The following CEP192 variants were observed in gnomAD, a reference collection of about 807,000 sequenced individuals.
The protein encoded by CEP192 is centrosomal protein of 192 kDa.
A neutral mutation model predicts 271.8 loss-of-function variants in CEP192; 151 were observed. The ratio of observed to expected loss-of-function variants is 0.56; its 90% CI spans 0.49 to 0.64. The LOEUF is 0.64. Ranked by LOEUF, CEP192 falls within the 30% of genes least tolerant of loss-of-function variation. The probability of loss-of-function intolerance (pLI) is 0.00; values close to 1 mark genes in which losing one functional copy is unlikely to be tolerated. For missense variants in CEP192, 2,910 were observed against 3,020.5 expected, an observed-to-expected ratio of 0.96 and a Z score of 0.86; for synonymous variants, 995 against 1,076.5, an observed-to-expected ratio of 0.92 and a Z score of 1.48.
chr18:13,104,427 A>G (rs2039858728), intron 39 of CEP192, among the ~76,000 whole-genome samples: 1 of 152,156 alleles, frequency 6.6e-6, no homozygotes. Context: ...TGATAGTAAC[A>G]GTTTTGAGCC....
intron 1 of CEP192, among the ~76,000 whole-genome samples, chr18:12,998,109 T>G (rs1055768941): frequency 2.6e-5 from 4 of 152,240 alleles, no homozygotes; most frequent in Non-Finnish European, 5.9e-5. Context: ...ATCTATGCTT[T>G]AATCCAATTT....
At chr18:13,101,133 G>A (rs1467876378) in intron 38 of CEP192, among the ~76,000 whole-genome samples, 1 of 152,280 alleles carries the variant, frequency 6.6e-6, no homozygotes. Context: ...GATTCTGGGC[G>A]GCGGCAGCCC....
Position 13,095,429 on chromosome 18 carries a change from T to A in CEP192, c.6255-74T>A. On this transcript the variant is annotated intron_variant, in intron 34 of 44. Coordinates refer to ENST00000506447, the MANE Select transcript of CEP192 (RefSeq NM_032142.4). ...GAATATAAAAATATGTGATACAATCTGGCCTTTTATCATTTTTAACTTCTC... is the reference window on the plus strand; with the variant it reads ...GAATATAAAAATATGTGATACAATCAGGCCTTTTATCATTTTTAACTTCTC... The A allele has an allele frequency of 7.6e-6, 8 of 1,058,904 alleles. No individual in the cohort carries two copies. The South Asian group carries it at 1.2e-4, about 16-fold the overall frequency. The allele number at this position is 1,058,904 out of a possible 1,614,324, so 65.6% of individuals were successfully genotyped here. A position where few individuals can be genotyped will look rare whatever the true frequency, so the allele number is the denominator to read the frequency against.
chr18:13,095,694 A>G lies in CEP192; in HGVS notation c.6433+13A>G, dbSNP rs1170791869. On this transcript the variant is annotated intron_variant, in intron 35 of 44. Coordinates refer to ENST00000506447, the MANE Select transcript of CEP192 (RefSeq NM_032142.4). ...GCTCCTTCTCCTTGTGAGTATGTCA[A>G]CTGTGACACCTCAGAGGTGTGTTCC... The G allele has an allele frequency of 1.9e-6, 3 of 1,610,558 alleles. No individual in the cohort carries two copies. Among genetic ancestry groups the G allele is most frequent in the African/African-American group, 2.7e-5 (2 of 74,820 alleles).
intron 21 of CEP192, among the ~76,000 whole-genome samples, chr18:13,060,589 T>C (rs1284369209): frequency 6.6e-6 from 1 of 152,180 alleles, no homozygotes; most frequent in African/African-American, 2.4e-5. Context: ...AGTCCATCAT[T>C]GACCAAAACA....
At chr18:13,042,129 C>A in intron 14 of CEP192, 75 bp from the exon 15 acceptor site, 1 of 1,262,248 alleles carries the variant, frequency 7.9e-7, no homozygotes, top group Non-Finnish European at 1.1e-6. Context: ...AGTCATTTTG[C>A]CTGGTCCTTA....
intron 4 of CEP192, among the ~76,000 whole-genome samples, chr18:13,012,345 A>AT (rs1219821634): frequency 6.6e-6 from 1 of 152,138 alleles, no homozygotes; most frequent in Non-Finnish European, 1.5e-5. Flanking sequence ...TTGGTATAAG[A>AT]TTTTGTCATA....
intron 30 of CEP192, among the ~76,000 whole-genome samples, chr18:13,086,111 G>A (rs1474500259): frequency 6.6e-6 from 1 of 152,174 alleles, no homozygotes; most frequent in African/African-American, 2.4e-5. Flanking sequence ...TCCCTTGTAA[G>A]TTGTATTCCT....
At chr18:13,052,388 A>G (rs2036844696) in intron 17 of CEP192, among the ~76,000 whole-genome samples, 2 of 152,320 alleles carry the variant, frequency 1.3e-5, no homozygotes, top group South Asian at 4.1e-4. Flanking sequence ...TGATGTGGAC[A>G]TGTCCTTTTT....
At chr18:13,045,701 A>T (rs1180182084) in intron 15 of CEP192, among the ~76,000 whole-genome samples, 1 of 152,230 alleles carries the variant, frequency 6.6e-6, no homozygotes, top group African/African-American at 2.4e-5. Context: ...GGTGCATACA[A>T]ATTGTGCATA....
intron 43 of CEP192, 102 bp downstream of exon 43, chr18:13,116,605 G>C (rs1377587703): frequency 8.3e-7 from 1 of 1,204,342 alleles, no homozygotes; most frequent in Non-Finnish European, 1.1e-6. Flanking sequence ...TAAGTTGTAA[G>C]AATGAGGTAA....
In CEP192 at chr18:13,113,111, G is replaced by A. The variant is rs190879899; in HGVS notation, c.7048-475G>A. ...ATAATGCGAGCTGCCACTGTGGAGCGTCTGGCGCTTGTCTTGTTCTGCCTC... is the reference window on the plus strand; with the variant it reads ...ATAATGCGAGCTGCCACTGTGGAGCATCTGGCGCTTGTCTTGTTCTGCCTC... On this transcript the variant is annotated intron_variant, in intron 40 of 44. Transcript: ENST00000506447. Among the ~76,000 whole-genome samples, 159 of 152,326 alleles carry A rather than the reference G, an allele frequency of 1.0e-3. 1 individual carries two copies. Among genetic ancestry groups the A allele is most frequent in the African/African-American group, 3.6e-3 (149 of 41,568 alleles).
Position 13,049,121 on chromosome 18 carries a change from A to G in CEP192, c.2330A>G (p.Asn777Ser), listed in dbSNP as rs545371450. The change falls in exon 16 of 45, where the codon AAT (asparagine) becomes AGT (serine). Residue 777 changes from asparagine (N) to serine (S), a missense_variant. Coordinates refer to ENST00000506447, the MANE Select transcript of CEP192 (RefSeq NM_032142.4). Reference protein sequence around the residue: ...PNDLEKSNGSNALDMEKYLKK... With the variant: ...PNDLEKSNGSSALDMEKYLKK... The stretch of plus-strand genomic sequence containing the variant: ...GATTTAGAAAAAAGTAATGGATCCA[A>G]TGCACTTGATATGGAGAAATACCTT... The G allele has an allele frequency of 1.1e-5, 18 of 1,614,046 alleles. No homozygotes were observed. The highest frequency in any genetic ancestry group is 8.9e-5 in the East Asian group (4 of 44,874).
chr18:13,067,241 C>CT (rs2037756941), intron 21 of CEP192, among the ~76,000 whole-genome samples: 1 of 152,074 alleles, frequency 6.6e-6, no homozygotes, highest in African/African-American at 2.4e-5. Flanking sequence ...TGTGCCTAGG[C>CT]TATATGCAAA....
intron 44 of CEP192, among the ~76,000 whole-genome samples, chr18:13,120,595 A>G (rs570405004): frequency 7.3e-4 from 111 of 152,366 alleles, no homozygotes; most frequent in Non-Finnish European, 1.1e-3. Flanking sequence ...TGCATAGTTT[A>G]TACTCTGAAC....
chr18:13,055,686 C>T (rs2037056166), intron 18 of CEP192, 94 bp from the exon 19 acceptor site: 2 of 860,876 alleles, frequency 2.3e-6, no homozygotes, highest in Non-Finnish European at 3.5e-6. Context: ...ACCTCATGCA[C>T]ATCTCTTTGT....
At chr18:13,089,641 T>C in intron 33 of CEP192, 76 bp downstream of exon 33, 1 of 707,718 alleles carries the variant, frequency 1.4e-6, no homozygotes, top group Non-Finnish European at 2.4e-6. Flanking sequence ...AATGATGTGA[T>C]ATAAGAAGGA....
intron 38 of CEP192, among the ~76,000 whole-genome samples, chr18:13,101,148 C>T (rs984096593): frequency 6.6e-6 from 1 of 152,210 alleles, no homozygotes; most frequent in Non-Finnish European, 1.5e-5. Flanking sequence ...CAGCCCTGAG[C>T]CACAGCTTCT....
intron 9 of CEP192, among the ~76,000 whole-genome samples, chr18:13,026,383 G>A (rs117726215): frequency 1.3e-5 from 2 of 152,086 alleles, no homozygotes; most frequent in African/African-American, 4.8e-5. Context: ...CCCTATTGCA[G>A]TATGCCTTTA....
Sources: gnomAD v4.1 joint callset for allele counts (sites outside exome capture counted in the v4.1 genomes callset) on GRCh38, gnomAD v4.1.1 for gene constraint, MANE v1.5 for transcripts, NCBI Gene and HGNC (gene_info 2026-07-23, HGNC 2026-07-21) for gene names.